Variants in MYLK3 observed in about 807,000 individuals in gnomAD.
MYLK3 encodes the protein MLC kinase.
A neutral mutation model predicts 76.3 loss-of-function variants in MYLK3; 55 were observed. That is an observed-to-expected ratio of 0.72 (90% CI 0.58 to 0.90). The LOEUF is 0.90. MYLK3 is among the 40% of genes least tolerant of loss of function. The pLI, the probability that MYLK3 is intolerant of heterozygous loss-of-function variation, is 0.00. For synonymous variants in MYLK3, 416 were observed against 425.4 expected, an observed-to-expected ratio of 0.98 and a Z score of 0.27; for missense variants, 973 against 1,053.6, an observed-to-expected ratio of 0.92 and a Z score of 1.06.
Position 46,703,801 on chromosome 16 carries a change from T to A in MYLK3, c.*3903A>T, listed in dbSNP as rs1361979474. The A allele has an allele frequency of 6.5e-6, 1 of 153,762 alleles. No homozygotes were observed. The allele number at this position is 153,762 out of a possible 1,614,324, so 9.5% of individuals were successfully genotyped here. ...CAGCATAAAGGGAAAAAAATTAAAA[T>A]TGTTAGATACAGGATTCTCTCTAGA... On this transcript the variant is annotated 3_prime_UTR_variant, in exon 13 of 13. Transcript: ENST00000394809.
chr16:46,756,500 C>T (rs1232398604), intron 1 of MYLK3, among the ~76,000 whole-genome samples: 2 of 152,206 alleles, frequency 1.3e-5, no homozygotes, highest in African/African-American at 2.4e-5. Flanking sequence ...GGACAGGAGA[C>T]GGGTTATCCA....
intron 7 of MYLK3, among the ~76,000 whole-genome samples, chr16:46,728,746 T>C (rs560509756): frequency 6.6e-4 from 101 of 152,248 alleles, no homozygotes; most frequent in African/African-American, 2.4e-3. Context: ...TTTAATTTAA[T>C]TTTCAAAAAA....
At chr16:46,734,594 C>G (rs1966860063) in intron 3 of MYLK3, among the ~76,000 whole-genome samples, 1 of 151,970 alleles carries the variant, frequency 6.6e-6, no homozygotes, top group South Asian at 2.1e-4. Flanking sequence ...GCACTCCAGC[C>G]TGGGTGACAC....
chr16:46,718,111 G>A (rs76102501), intron 9 of MYLK3, among the ~76,000 whole-genome samples: 1 of 152,302 alleles, frequency 6.6e-6, no homozygotes, highest in Non-Finnish European at 1.5e-5. Context: ...CAGATACACA[G>A]TACATCAGTG....
chr16:46,745,381 T>C (rs1967004636), intron 1 of MYLK3, among the ~76,000 whole-genome samples: 1 of 152,182 alleles, frequency 6.6e-6, no homozygotes, highest in African/African-American at 2.4e-5. Flanking sequence ...CATCAATCAA[T>C]GCCCAAAATA....
chr16:46,709,469 T>C (rs1444873380), intron 12 of MYLK3, 70 bp downstream of exon 12: 2 of 1,494,186 alleles, frequency 1.3e-6, no homozygotes, highest in Non-Finnish European at 9.0e-7. Context: ...AAAGGAAACT[T>C]AGCTACAGTT....
chr16:46,721,880 G>T (rs1165960112), intron 8 of MYLK3, among the ~76,000 whole-genome samples: 1 of 151,982 alleles, frequency 6.6e-6, no homozygotes, highest in Non-Finnish European at 1.5e-5. Flanking sequence ...AATGCTAAGA[G>T]AATTAAAAAA....
intron 11 of MYLK3, 119 bp downstream of exon 11, chr16:46,710,518 A>T (rs1966671532): frequency 8.6e-7 from 1 of 1,166,362 alleles, no homozygotes; most frequent in Admixed American, 2.3e-5. Context: ...GCAAACTAAG[A>T]AATCTTGAAT....
chr16:46,762,475 C>T (rs1244816376), intron 1 of MYLK3, among the ~76,000 whole-genome samples: 1 of 152,136 alleles, frequency 6.6e-6, no homozygotes, highest in African/African-American at 2.4e-5. Context: ...GCAATAGACT[C>T]CCGCAGGACC....
intron 7 of MYLK3, 22 bp from the exon 8 acceptor site, chr16:46,727,399 C>G (rs1172969487): frequency 1.9e-6 from 3 of 1,594,446 alleles, no homozygotes; most frequent in East Asian, 4.5e-5. Context: ...AAGGGAGAGG[C>G]AGGCACCAGC....
upstream of MYLK3, among the ~76,000 whole-genome samples, chr16:46,750,714 T>A (rs1276063315): frequency 1.3e-5 from 2 of 149,514 alleles, no homozygotes; most frequent in East Asian, 4.0e-4. Context: ...TATAGGCCGG[T>A]TGTGGTGGCT....
At chr16:46,747,065 C>T (rs1967039037) in intron 1 of MYLK3, among the ~76,000 whole-genome samples, 1 of 152,200 alleles carries the variant, frequency 6.6e-6, no homozygotes. Flanking sequence ...TGTCCCCAAA[C>T]AGGGTGTTCC....
chr16:46,749,311 C>T (rs1967086279), upstream of MYLK3, among the ~76,000 whole-genome samples: 1 of 152,230 alleles, frequency 6.6e-6, no homozygotes, highest in African/African-American at 2.4e-5. Context: ...CAGAGAGGGG[C>T]ATTTGCCCAA....
intron 1 of MYLK3, among the ~76,000 whole-genome samples, chr16:46,756,610 G>T (rs889107777): frequency 6.6e-6 from 1 of 152,210 alleles, no homozygotes; most frequent in African/African-American, 2.4e-5. Flanking sequence ...GCAGTGAAAG[G>T]TCTTGTTCTA....
At chr16:46,742,670 G>C (rs527635106) in intron 1 of MYLK3, among the ~76,000 whole-genome samples, 1 of 152,064 alleles carries the variant, frequency 6.6e-6, no homozygotes, top group African/African-American at 2.4e-5. Context: ...ATTATTTTGC[G>C]ATTCCAGGAC....
At chr16:46,722,303 G>T (rs879138196) in intron 8 of MYLK3, among the ~76,000 whole-genome samples, 3 of 152,140 alleles carry the variant, frequency 2.0e-5, no homozygotes, top group Admixed American at 2.0e-4. Context: ...CCCCATTCCT[G>T]AAGACTCAAT....
At chr16:46,738,630 G>A (rs1966885525) in intron 2 of MYLK3, among the ~76,000 whole-genome samples, 1 of 152,244 alleles carries the variant, frequency 6.6e-6, no homozygotes, top group African/African-American at 2.4e-5. Context: ...AAAGCAAGGT[G>A]GAGAATGGTG....
At chr16:46,710,938 T>C (rs1555468975) in intron 10 of MYLK3, 149 bp from the exon 11 acceptor site, 1 of 826,184 alleles carries the variant, frequency 1.2e-6, no homozygotes, top group Non-Finnish European at 1.9e-6. Context: ...CTCCACAGGA[T>C]GGAGTCCAGT....
In MYLK3 at chr16:46,704,726, T is replaced by G. The variant is rs1207006818; in HGVS notation, c.*2978A>C. ...TTATGTGTATAGCCTGTACTATATTTTTGTTGGGCAGTGCTGCTCTAGATA... is the reference window on the plus strand; with the variant it reads ...TTATGTGTATAGCCTGTACTATATTGTTGTTGGGCAGTGCTGCTCTAGATA... On this transcript the variant is annotated 3_prime_UTR_variant, in exon 13 of 13. Transcript: ENST00000394809. 1 of 152,232 alleles carries G rather than the reference T, an allele frequency of 6.6e-6. No individual in the cohort carries two copies. The highest frequency in any genetic ancestry group is 1.5e-5 in the Non-Finnish European group (1 of 68,026). 9.4% of individuals were successfully genotyped at this position (152,232 alleles called of 1,614,324 possible).
Sources: allele counts gnomAD v4.1 joint callset (sites outside exome capture counted in the v4.1 genomes callset), GRCh38; gene constraint gnomAD v4.1.1; transcripts MANE v1.5; gene names NCBI Gene and HGNC (gene_info 2026-07-23, HGNC 2026-07-21).